The following CDH12 variants were observed in gnomAD, a reference collection of about 807,000 sequenced individuals.
CDH12 encodes the protein cadherin 12.
Under a neutral mutation model 74.1 loss-of-function variants are expected in CDH12, and 41 were observed. The observed-to-expected ratio is 0.55, with a 90% confidence interval of 0.43 to 0.72. CDH12 has a LOEUF of 0.72. Among genes scored for constraint, CDH12 ranks in the 30% least tolerant of loss-of-function variants. The pLI is 0.00. For synonymous variants in CDH12, 399 were observed against 355.0 expected, an observed-to-expected ratio of 1.12 and a Z score of -1.39; for missense variants, 945 against 977.2, an observed-to-expected ratio of 0.97 and a Z score of 0.44.
intron 1 of CDH12, among the ~76,000 whole-genome samples, chr5:22,574,545 G>C (rs1264447789): frequency 1.3e-5 from 2 of 151,874 alleles, no homozygotes; most frequent in Non-Finnish European, 2.9e-5. Flanking sequence ...CATATAGTAG[G>C]CTCTCTTAAT....
At chr5:22,320,824 C>G (rs767781649) in intron 3 of CDH12, among the ~76,000 whole-genome samples, 3 of 152,188 alleles carry the variant, frequency 2.0e-5, no homozygotes, top group Non-Finnish European at 4.4e-5. Flanking sequence ...ACTATCTTCA[C>G]TGTGAGCTCC....
chr5:22,108,781 C>T (rs1230257295), intron 4 of CDH12, among the ~76,000 whole-genome samples: 1 of 152,084 alleles, frequency 6.6e-6, no homozygotes, highest in Non-Finnish European at 1.5e-5. Flanking sequence ...GTTGTAGATG[C>T]CTTCTCAGTA....
chr5:22,465,397 T>C (rs751519069), intron 2 of CDH12, among the ~76,000 whole-genome samples: 2 of 152,110 alleles, frequency 1.3e-5, no homozygotes, highest in African/African-American at 2.4e-5. Flanking sequence ...GTAATCCCAG[T>C]ACTTTGTGAG....
chr5:22,269,528 T>C (rs952518299), intron 3 of CDH12, among the ~76,000 whole-genome samples: 2 of 152,184 alleles, frequency 1.3e-5, no homozygotes, highest in African/African-American at 4.8e-5. Context: ...TTTCATGTAA[T>C]TTTCTTAAAT....
intron 6 of CDH12, chr5:21,889,475 G>A (rs1016866801): frequency 1.5e-5 from 8 of 551,206 alleles, no homozygotes; most frequent in African/African-American, 1.4e-4. Flanking sequence ...AACAGACATT[G>A]CCTTTGTGGG....
chr5:22,235,067 T>A (rs941893647), intron 3 of CDH12, among the ~76,000 whole-genome samples: 3 of 152,026 alleles, frequency 2.0e-5, no homozygotes, highest in African/African-American at 4.8e-5. Context: ...AGAAATAATA[T>A]CTTATTATTT....
chr5:22,805,566 A>C (rs1748738422), intron 1 of CDH12, among the ~76,000 whole-genome samples: 1 of 152,174 alleles, frequency 6.6e-6, no homozygotes, highest in Admixed American at 6.5e-5. Flanking sequence ...TATATTACAT[A>C]TTATTATTAT....
At chr5:22,035,401 T>C (rs1028236231) in intron 5 of CDH12, among the ~76,000 whole-genome samples, 3 of 152,038 alleles carry the variant, frequency 2.0e-5, no homozygotes, top group South Asian at 4.1e-4. Flanking sequence ...TATATATATA[T>C]ATGCATGTCA....
intron 7 of CDH12, among the ~76,000 whole-genome samples, chr5:21,844,828 T>C (rs1750069686): frequency 2.0e-5 from 3 of 152,120 alleles, no homozygotes; most frequent in African/African-American, 7.2e-5. Context: ...TAGAAATAGA[T>C]AGATGGATAG....
At chr5:21,816,724 G>T (rs757325404) in intron 9 of CDH12, among the ~76,000 whole-genome samples, 1 of 149,866 alleles carries the variant, frequency 6.7e-6, no homozygotes, top group African/African-American at 2.4e-5. Context: ...AAAGCTTCTG[G>T]TCAAGAGTAA....
At chr5:22,121,504 C>T (rs553813150) in intron 4 of CDH12, among the ~76,000 whole-genome samples, 7 of 152,204 alleles carry the variant, frequency 4.6e-5, no homozygotes, top group Admixed American at 3.3e-4. Context: ...ACGTCTGATT[C>T]GGGAGTCTCA....
At chr5:22,367,499 T>C (rs1334346941) in intron 3 of CDH12, among the ~76,000 whole-genome samples, 1 of 152,196 alleles carries the variant, frequency 6.6e-6, no homozygotes, top group African/African-American at 2.4e-5. Context: ...GGATTTGTGT[T>C]ATTTGGAATA....
intron 2 of CDH12, among the ~76,000 whole-genome samples, chr5:22,485,031 C>T (rs929663625): frequency 6.6e-6 from 1 of 151,992 alleles, no homozygotes; most frequent in African/African-American, 2.4e-5. Context: ...ATGTATAATG[C>T]AGTTTTTTGT....
intron 1 of CDH12, among the ~76,000 whole-genome samples, chr5:22,834,948 A>G (rs535146090): frequency 1.3e-5 from 2 of 152,242 alleles, no homozygotes; most frequent in South Asian, 4.1e-4. Context: ...AGGGGGAGAT[A>G]AATAAAAGTA....
At chr5:22,279,623 GCT>G (rs1466529548) in intron 3 of CDH12, among the ~76,000 whole-genome samples, 1 of 151,950 alleles carries the variant, frequency 6.6e-6, no homozygotes, top group Non-Finnish European at 1.5e-5. Context: ...GAGAACATGC[GCT>G]GTTTGGGTTT....
At chr5:22,790,648 T>C (rs969902906) in intron 1 of CDH12, among the ~76,000 whole-genome samples, 1 of 151,668 alleles carries the variant, frequency 6.6e-6, no homozygotes, top group African/African-American at 2.4e-5. Context: ...TTATACTATA[T>C]ATATACTTTT....
chr5:21,764,828 AAG>A, intron 12 of CDH12, 148 bp downstream of exon 12: 1 of 731,786 alleles, frequency 1.4e-6, no homozygotes, highest in Non-Finnish European at 2.3e-6. Flanking sequence ...ATTAATTCAC[AAG>A]AGTTTAATTA....
At chr5:22,098,304 T>C (rs1255298508) in intron 4 of CDH12, among the ~76,000 whole-genome samples, 5 of 151,778 alleles carry the variant, frequency 3.3e-5, no homozygotes, top group African/African-American at 1.2e-4. Flanking sequence ...GTGCTCTCCA[T>C]GCTGATCGTG....
chr5:22,064,876 CT>C (rs1741452642), intron 5 of CDH12, among the ~76,000 whole-genome samples: 1 of 152,170 alleles, frequency 6.6e-6, no homozygotes, highest in South Asian at 2.1e-4. Context: ...AAACCCTAGA[CT>C]TTCATCTTGT....
Sources: allele counts gnomAD v4.1 joint callset (sites outside exome capture counted in the v4.1 genomes callset), GRCh38; gene constraint gnomAD v4.1.1; transcripts MANE v1.5; gene names NCBI Gene and HGNC (gene_info 2026-07-23, HGNC 2026-07-21).